Variants in RFTN1 observed in about 807,000 individuals in gnomAD.
RFTN1 encodes the protein raftlin.
In RFTN1, 26 loss-of-function variants were observed where a neutral mutation model predicts 46.5. That is an observed-to-expected ratio of 0.56 (90% CI 0.41 to 0.78). The LOEUF (loss-of-function observed/expected upper bound fraction) is 0.78. Ranked by LOEUF, RFTN1 falls within the 30% of genes least tolerant of loss-of-function variation. RFTN1 has a pLI of 0.00. For synonymous variants in RFTN1, 261 were observed against 284.2 expected (o/e 0.92, Z 0.82); for missense variants, 693 against 718.7 (o/e 0.96, Z 0.41).
Position 16,467,998 on chromosome 3 carries a change from C to A in RFTN1, c.145+25727G>T, listed in dbSNP as rs1385092359. ...ACCCCCAAATTAATTCCTCAGCAAG[C>A]CTTTCCCATTCATTATCATCATCTT... is the stretch of plus-strand genomic sequence containing the variant. On this transcript the variant is annotated intron_variant, in intron 2 of 9. Coordinates refer to ENST00000334133, the MANE Select transcript of RFTN1 (RefSeq NM_015150.2). 2.0e-5 allele frequency among the ~76,000 whole-genome samples: 3 copies of A among 152,170 alleles called. No homozygotes were observed. The East Asian group carries it at 5.8e-4, about 29-fold the overall frequency.
chr3:16,434,112 C>T (rs2075449973), intron 2 of RFTN1, 75 bp from the exon 3 acceptor site: 1 of 1,323,106 alleles, frequency 7.6e-7, no homozygotes, highest in Non-Finnish European at 1.0e-6. Flanking sequence ...CCCCTCTTCC[C>T]TTGCCCTCGG....
rs1030224534 is a variant in RFTN1 at position 16,351,704 on chromosome 3, C to T, written c.1146+6228G>A. ...GCTGTATATAAGTTAGACCCATTAT[C>T]CTAATTACATGTCTTAATTTAAATG... On this transcript the variant is annotated intron_variant, in intron 7 of 9. Coordinates refer to ENST00000334133, the MANE Select transcript of RFTN1 (RefSeq NM_015150.2). This position sits in a 1 kb window ranked among gnomAD's most constrained non-coding sequence, Gnocchi z 5.4. 2.0e-5 allele frequency among the ~76,000 whole-genome samples: 3 copies of T among 152,138 alleles called. No homozygotes were observed. Among genetic ancestry groups the T allele is most frequent in the Admixed American group, 1.3e-4 (2 of 15,276 alleles).
Position 16,342,311 on chromosome 3 carries a change from C to A in RFTN1, c.1147-15435G>T, listed in dbSNP as rs558685229. On this transcript the variant is annotated intron_variant, in intron 7 of 9. Coordinates refer to ENST00000334133, the MANE Select transcript of RFTN1 (RefSeq NM_015150.2). The surrounding 1 kb of genome is among the most constrained non-coding windows in gnomAD (Gnocchi z 4.0). ...TCATATAATATGTGGTCTTTTGCAA[C>A]TGGCTTCTTTCACTTTAGCATATGT... Among the ~76,000 whole-genome samples the A allele has an allele frequency of 3.9e-5, 6 of 152,288 alleles. No homozygotes were observed. In the East Asian group the frequency reaches 1.2e-3, roughly 29 times the overall value.
Position 16,489,243 on chromosome 3 carries a change from G to A in RFTN1, c.145+4482C>T, listed in dbSNP as rs1309848821. Among the ~76,000 whole-genome samples the A allele has an allele frequency of 6.6e-6, 1 of 151,482 alleles. No homozygotes were observed. The highest frequency in any genetic ancestry group is 1.5e-5 in the Non-Finnish European group (1 of 67,828). On this transcript the variant is annotated intron_variant, in intron 2 of 9. Coordinates refer to ENST00000334133, the MANE Select transcript of RFTN1 (RefSeq NM_015150.2). The surrounding 1 kb of genome is among the most constrained non-coding windows in gnomAD (Gnocchi z 4.0). ...GACCAGCCTGGCCAACATGGCAAAA[G>A]CCTGTGTCTACTAAAAATAAAAAAA...
In RFTN1 at chr3:16,377,774, G is replaced by T. The variant is rs1193422406; in HGVS notation, c.770C>A (p.Thr257Lys). The T allele has an allele frequency of 2.5e-6, 4 of 1,613,892 alleles. No homozygotes were observed. In the South Asian group the frequency reaches 4.4e-5, roughly 18 times the overall value. ...GELSPQGVSKTLDGPESNPLE... is the reference protein window; with the variant it reads ...GELSPQGVSKKLDGPESNPLE... ...GGGGTTGCTCTCCGGTCCATCCAGT[G>T]TCTTGCTCACCCCCTGTGGTGAAAG... Residue 257 changes from threonine to lysine, a missense_variant, in exon 5 of 10, where the codon ACA becomes AAA. Thr to Lys is a moderately conservative substitution (Grantham distance 78, BLOSUM62 -1). Coordinates refer to ENST00000334133, the MANE Select transcript of RFTN1 (RefSeq NM_015150.2).
chr3:16,377,001 T>C (rs1453174497), intron 5 of RFTN1, among the ~76,000 whole-genome samples: 1 of 152,090 alleles, frequency 6.6e-6, no homozygotes, highest in South Asian at 2.1e-4. Context: ...TGTTCTTACT[T>C]ACATGGCTTA....
chr3:16,331,757 T>G (rs560137465), intron 7 of RFTN1, among the ~76,000 whole-genome samples: 3 of 152,320 alleles, frequency 2.0e-5, no homozygotes, highest in South Asian at 4.1e-4. Context: ...GGCTGGTATG[T>G]TCTCTTTTTT....
chr3:16,360,294 C>G (rs2072748937), intron 6 of RFTN1, among the ~76,000 whole-genome samples: 1 of 152,090 alleles, frequency 6.6e-6, no homozygotes, highest in South Asian at 2.1e-4. Flanking sequence ...ACCACAGCCT[C>G]CCGAGTAGCT....
intron 2 of RFTN1, chr3:16,454,660 C>A: frequency 1.7e-6 from 1 of 576,368 alleles, no homozygotes; most frequent in Non-Finnish European, 2.2e-6. Flanking sequence ...CTCTCCTCCT[C>A]ATTCCCTAAC....
At chr3:16,378,524 T>C (rs890744959) in intron 4 of RFTN1, among the ~76,000 whole-genome samples, 8 of 152,206 alleles carry the variant, frequency 5.3e-5, no homozygotes, top group Non-Finnish European at 1.2e-4. Context: ...CAGGCTACTG[T>C]ATAACTACAG....
intron 2 of RFTN1, among the ~76,000 whole-genome samples, chr3:16,454,158 C>G (rs2075865292): frequency 6.6e-6 from 1 of 152,216 alleles, no homozygotes; most frequent in Non-Finnish European, 1.5e-5. Context: ...AGAGTCATTT[C>G]CATAGATTTT....
chr3:16,495,482 T>C (rs2076609427), intron 1 of RFTN1, among the ~76,000 whole-genome samples: 2 of 152,244 alleles, frequency 1.3e-5, no homozygotes, highest in South Asian at 4.1e-4. Context: ...GTCTTTGCCC[T>C]CAAGGAGGTT....
At chr3:16,464,557 T>TC (rs993167157) in intron 2 of RFTN1, among the ~76,000 whole-genome samples, 6 of 152,032 alleles carry the variant, frequency 3.9e-5, no homozygotes, top group Admixed American at 6.5e-5. Context: ...CATAATTAGT[T>TC]CCCCCCCATA....
In RFTN1 at chr3:16,483,725, T is replaced by C. The variant is rs982268744; in HGVS notation, c.145+10000A>G. Among the ~76,000 whole-genome samples the C allele has an allele frequency of 6.6e-6, 1 of 151,982 alleles. No homozygotes were observed. Among genetic ancestry groups the C allele is most frequent in the African/African-American group, 2.4e-5 (1 of 41,362 alleles). On this transcript the variant is annotated intron_variant, in intron 2 of 9. Coordinates refer to ENST00000334133, the MANE Select transcript of RFTN1 (RefSeq NM_015150.2). This position sits in a 1 kb window ranked among gnomAD's most constrained non-coding sequence, Gnocchi z 4.8. The stretch of plus-strand genomic sequence containing the variant: ...TTATTTTATACTCAAAAGATCACAC[T>C]AGTATAATTTTTTTCTGCCATCTCC...
chr3:16,357,361 C>A (rs115397123), intron 7 of RFTN1, among the ~76,000 whole-genome samples: 4,551 of 152,294 alleles, frequency 0.03, 103 homozygotes, highest in East Asian at 0.071. Context: ...CTTCCCACAG[C>A]AATTTGGTGG....
chr3:16,434,163 G>T, intron 2 of RFTN1, 126 bp from the exon 3 acceptor site: 1 of 766,822 alleles, frequency 1.3e-6, no homozygotes, highest in Non-Finnish European at 2.0e-6. Context: ...GTTTGTCCCA[G>T]TTTTTACTGT....
chr3:16,379,063 A>C (rs559380727), intron 4 of RFTN1, among the ~76,000 whole-genome samples: 2 of 152,378 alleles, frequency 1.3e-5, no homozygotes, highest in South Asian at 4.1e-4. Context: ...TTTTACAAAT[A>C]AATAAGGCGG....
intron 8 of RFTN1, among the ~76,000 whole-genome samples, chr3:16,323,831 C>A (rs2069361859): frequency 6.6e-6 from 1 of 152,188 alleles, no homozygotes; most frequent in Admixed American, 6.5e-5. Flanking sequence ...TAGATAAGGA[C>A]CTGGGTGATG....
Position 16,410,233 on chromosome 3 carries a change from AC to A in RFTN1, c.333-751del, listed in dbSNP as rs2074956614. Among the ~76,000 whole-genome samples the A allele has an allele frequency of 1.1e-5, 1 of 94,338 alleles. No individual in the cohort carries two copies. The highest frequency in any genetic ancestry group is 3.4e-5 in the African/African-American group (1 of 29,126). The allele number at this position is 94,338 out of a possible 152,430, so 61.9% of individuals were successfully genotyped here. On this transcript the variant is annotated intron_variant, in intron 3 of 9. Transcript: ENST00000334133. The surrounding 1 kb of genome is among the most constrained non-coding windows in gnomAD (Gnocchi z 4.6). Reference sequence around the variant, plus strand: ...GTTATACACACACACACACACACACACACACACACACACACACACACACACA... The same window carrying A: ...GTTATACACACACACACACACACACAACACACACACACACACACACACACA...
Sources: gnomAD v4.1 joint callset for allele counts (sites outside exome capture counted in the v4.1 genomes callset) on GRCh38, gnomAD v4.1.1 for gene constraint, Gnocchi (gnomAD v3.1) non-coding constraint, MANE v1.5 for transcripts, NCBI Gene and HGNC (gene_info 2026-07-23, HGNC 2026-07-21) for gene names.